ATP8A1: variants seen among roughly 807,000 people sequenced by gnomAD.
ATP8A1 encodes the protein ATPase phospholipid transporting 8A1.
Under a neutral mutation model 177.7 loss-of-function variants are expected in ATP8A1, and 90 were observed. The ratio of observed to expected loss-of-function variants is 0.51; its 90% CI spans 0.43 to 0.60. The LOEUF is 0.60. Ranked by LOEUF, ATP8A1 falls within the 20% of genes least tolerant of loss-of-function variation. The pLI is 0.00. For missense variants in ATP8A1, 1,072 were observed against 1,392.8 expected, an observed-to-expected ratio of 0.77 and a Z score of 3.67; for synonymous variants, 493 against 485.9, an observed-to-expected ratio of 1.01 and a Z score of -0.19.
At chr4:42,441,787 C>A (rs1716674863) in intron 33 of ATP8A1, among the ~76,000 whole-genome samples, 1 of 152,132 alleles carries the variant, frequency 6.6e-6, no homozygotes, top group East Asian at 1.9e-4. Flanking sequence ...TCAAGCCTAC[C>A]CTACAGCTGA....
chr4:42,537,919 G>C (rs4308393), intron 20 of ATP8A1, among the ~76,000 whole-genome samples: 42,097 of 151,896 alleles, frequency 0.28, 5,985 homozygotes, highest in South Asian at 0.41. Flanking sequence ...CCTAAATTTT[G>C]TATGGAACCA....
chr4:42,452,012 CAG>C lies in ATP8A1; in HGVS notation c.2863_2864del (p.Leu955ValfsTer82). On this transcript the variant is annotated frameshift_variant, in exon 30 of 37. Transcript: ENST00000381668. LOFTEE classifies it high-confidence loss of function. ...CLNGLFHSVI[L>X]FWFPLKALQY... ...GAAGGGCTTTTAGTGGAAACCAAAACAGAATAACTGAGTGGAAGAGGCCATTT... is the reference window on the plus strand; with the variant it reads ...GAAGGGCTTTTAGTGGAAACCAAAACAATAACTGAGTGGAAGAGGCCATTT... The C allele has an allele frequency of 6.2e-7, 1 of 1,613,158 alleles. No individual in the cohort carries two copies. The highest frequency in any genetic ancestry group is 2.2e-5 in the East Asian group (1 of 44,776).
rs887791142 is a variant in ATP8A1 at position 42,412,397 on chromosome 4, A to G, written c.*519T>C. 3 of 152,252 alleles carry G rather than the reference A, an allele frequency of 2.0e-5. No homozygotes were observed. The highest frequency in any genetic ancestry group is 6.5e-5 in the Admixed American group (1 of 15,276). 9.4% of individuals were successfully genotyped at this position (152,252 alleles called of 1,614,324 possible). A position where few individuals can be genotyped will look rare whatever the true frequency, so the allele number is the denominator to read the frequency against. ...TACTGAACCTCTTTGGCAAACATTT[A>G]TCAAGACAATTTTGGACACAAATGC... On this transcript the variant is annotated 3_prime_UTR_variant, in exon 37 of 37. Coordinates refer to ENST00000381668, the MANE Select transcript of ATP8A1 (RefSeq NM_006095.2).
chr4:42,491,738 G>T (rs1237685140), intron 24 of ATP8A1, among the ~76,000 whole-genome samples: 1 of 152,158 alleles, frequency 6.6e-6, no homozygotes, highest in Non-Finnish European at 1.5e-5. Context: ...GCCACCTAAG[G>T]ACTGTGTTTT....
intron 25 of ATP8A1, among the ~76,000 whole-genome samples, chr4:42,482,074 T>C (rs965505351): frequency 1.3e-5 from 2 of 152,072 alleles, no homozygotes; most frequent in Admixed American, 1.3e-4. Flanking sequence ...AGGCCGAGTG[T>C]GTGGACTGCC....
chr4:42,513,072 A>G (rs1407610050), intron 22 of ATP8A1, among the ~76,000 whole-genome samples: 1 of 152,170 alleles, frequency 6.6e-6, no homozygotes, highest in African/African-American at 2.4e-5. Flanking sequence ...TTAGCCCTTG[A>G]ACTGGAGTTT....
chr4:42,481,282 G>C (rs1351528752), intron 25 of ATP8A1, among the ~76,000 whole-genome samples: 1 of 152,190 alleles, frequency 6.6e-6, no homozygotes, highest in Non-Finnish European at 1.5e-5. Flanking sequence ...CTCTGGCCCA[G>C]CAGCTTTCCA....
chr4:42,412,897 G>C lies in ATP8A1; in HGVS notation c.*19C>G, dbSNP rs1184121797. 8.7e-6 allele frequency: 14 copies of C among 1,608,974 alleles called. No homozygotes were observed. Among genetic ancestry groups the C allele is most frequent in the Non-Finnish European group, 1.2e-5 (14 of 1,175,682 alleles). On this transcript the variant is annotated 3_prime_UTR_variant, in exon 37 of 37. Coordinates refer to ENST00000381668, the MANE Select transcript of ATP8A1 (RefSeq NM_006095.2). ...TCTCCTTAGAGAGGTAACAGAGCCT[G>C]CCTTTCAGGCTCTCCCCATCACCAT...
intron 5 of ATP8A1, among the ~76,000 whole-genome samples, chr4:42,604,296 A>G (rs1735580773): frequency 6.6e-6 from 1 of 152,176 alleles, no homozygotes; most frequent in South Asian, 2.1e-4. Context: ...ACAGCATCAC[A>G]GTTTTACTGT....
At chr4:42,436,077 A>T (rs1715961663) in intron 33 of ATP8A1, among the ~76,000 whole-genome samples, 1 of 152,184 alleles carries the variant, frequency 6.6e-6, no homozygotes, top group South Asian at 2.1e-4. Flanking sequence ...TATGGAATGA[A>T]TGAATGCGAC....
chr4:42,445,056 AT>A (rs1390375523), intron 31 of ATP8A1, among the ~76,000 whole-genome samples: 1 of 152,360 alleles, frequency 6.6e-6, no homozygotes, highest in Non-Finnish European at 1.5e-5. Flanking sequence ...ACAAATTTTA[AT>A]GAATAAAATA....
intron 25 of ATP8A1, among the ~76,000 whole-genome samples, chr4:42,480,793 T>A (rs759284036): frequency 5.3e-5 from 8 of 152,180 alleles, no homozygotes; most frequent in Non-Finnish European, 8.8e-5. Flanking sequence ...TGTTTTTTTA[T>A]ACACTATGAG....
intron 20 of ATP8A1, among the ~76,000 whole-genome samples, chr4:42,530,833 T>G (rs1727191582): frequency 2.0e-5 from 3 of 152,126 alleles, no homozygotes; most frequent in Admixed American, 1.3e-4. Flanking sequence ...GGTCCAGGAA[T>G]CAAGGGGTGG....
intron 1 of ATP8A1, among the ~76,000 whole-genome samples, chr4:42,644,679 C>T (rs1052406905): frequency 2.0e-5 from 3 of 151,982 alleles, no homozygotes; most frequent in African/African-American, 7.3e-5. Flanking sequence ...CCACCAGCAG[C>T]ATCCTAAAGC....
At chr4:42,535,076 A>G (rs1167497904) in intron 20 of ATP8A1, among the ~76,000 whole-genome samples, 1 of 152,112 alleles carries the variant, frequency 6.6e-6, no homozygotes. Context: ...ATCTCACAGG[A>G]CCTGTAAAAT....
intron 15 of ATP8A1, among the ~76,000 whole-genome samples, chr4:42,556,801 T>C (rs1224614278): frequency 6.6e-6 from 1 of 152,132 alleles, no homozygotes; most frequent in Non-Finnish European, 1.5e-5. Context: ...AGGGTATAGT[T>C]TGCAAAATTT....
intron 25 of ATP8A1, among the ~76,000 whole-genome samples, chr4:42,472,633 A>C (rs1213297691): frequency 1.3e-5 from 2 of 151,756 alleles, no homozygotes; most frequent in Non-Finnish European, 2.9e-5. Flanking sequence ...AATCCCAGCT[A>C]CTCGGGATGC....
At chr4:42,565,576 C>A (rs1455484433) in intron 15 of ATP8A1, among the ~76,000 whole-genome samples, 1 of 152,154 alleles carries the variant, frequency 6.6e-6, no homozygotes, top group Non-Finnish European at 1.5e-5. Flanking sequence ...GGGGAATCAC[C>A]CTCACTAGCA....
At chr4:42,472,911 A>T (rs1720607675) in intron 25 of ATP8A1, among the ~76,000 whole-genome samples, 1 of 152,180 alleles carries the variant, frequency 6.6e-6, no homozygotes, top group African/African-American at 2.4e-5. Context: ...GCCCCAAATA[A>T]AAGTGGTTTC....
Sources: gnomAD v4.1 joint callset for allele counts (sites outside exome capture counted in the v4.1 genomes callset) on GRCh38, gnomAD v4.1.1 for gene constraint, MANE v1.5 for transcripts, NCBI Gene and HGNC (gene_info 2026-07-23, HGNC 2026-07-21) for gene names.